Variants in GLIPR1L1 observed in about 807,000 individuals in gnomAD.
The protein encoded by GLIPR1L1 is GLIPR1 like 1, also known as GLIPR1-like protein 1.
In GLIPR1L1, 26 loss-of-function variants were observed where a neutral mutation model predicts 29.9. That is an observed-to-expected ratio of 0.87 (90% CI 0.64 to 1.21). The LOEUF (loss-of-function observed/expected upper bound fraction) is 1.21. Ranked by LOEUF, GLIPR1L1 falls within the 50% of genes most tolerant of loss-of-function variation. GLIPR1L1 has a pLI of 0.00. For missense variants in GLIPR1L1, 305 were observed against 290.3 expected, an observed-to-expected ratio of 1.05 and a Z score of -0.37; for synonymous variants, 77 against 97.5, an observed-to-expected ratio of 0.79 and a Z score of 1.24.
intron 2 of GLIPR1L1, among the ~76,000 whole-genome samples, chr12:75,344,756 T>G (rs1369395655): frequency 6.6e-6 from 1 of 152,270 alleles, no homozygotes; most frequent in East Asian, 1.9e-4. Context: ...GCTGTCTTTT[T>G]GGGTACAGCT....
At chr12:75,359,761 C>T (rs1480254162) in intron 3 of GLIPR1L1, 1 of 151,980 alleles carries the variant, frequency 6.6e-6, no homozygotes, top group East Asian at 1.9e-4. Context: ...ATAAATCATA[C>T]TGGAACAATT....
chr12:75,358,020 TAAC>T (rs1187433719), intron 3 of GLIPR1L1, among the ~76,000 whole-genome samples: 2 of 146,744 alleles, frequency 1.4e-5, no homozygotes, highest in South Asian at 2.1e-4. Flanking sequence ...ATAAATAAAA[TAAC>T]AAACAGAAAA....
At position 75,334,781 on chromosome 12, in the gene GLIPR1L1, T is replaced by C; in HGVS notation, c.53T>C (p.Val18Ala). 1 of 1,614,108 alleles carries C rather than the reference T, an allele frequency of 6.2e-7. No individual in the cohort carries two copies. The highest frequency in any genetic ancestry group is 2.2e-5 in the East Asian group (1 of 44,872). Residue 18 changes from valine (V) to alanine (A), a missense_variant, in exon 1 of 6, where the codon GTA (valine) becomes GCA (alanine). Transcript: ENST00000378695. The stretch of plus-strand genomic sequence containing the variant: ...TTATGGATCTTGGGTCTGTGTTTGG[T>C]AGCCACTACATCTTCCAAAATCCCA... ...SCLWILGLCL[V>A]ATTSSKIPSI...
At chr12:75,359,355 GTCTTTTTTTTTTTT>G (rs2043397790) in intron 3 of GLIPR1L1, among the ~76,000 whole-genome samples, 4 of 46,432 alleles carry the variant, frequency 8.6e-5, no homozygotes, top group Admixed American at 7.6e-4. Context: ...CAGCATTGTT[GTCTTTTTTTTTTTT>G]TTTTTTTTTT....
intron 4 of GLIPR1L1, among the ~76,000 whole-genome samples, chr12:75,368,049 T>G (rs1033270560): frequency 1.3e-5 from 2 of 152,108 alleles, no homozygotes; most frequent in African/African-American, 2.4e-5. Context: ...ATAATGCTAT[T>G]TCTTTCCTTT....
Position 75,347,630 on chromosome 12 carries a change from G to T in GLIPR1L1, c.429G>T (p.Trp143Cys). 2 of 1,603,794 alleles carry T rather than the reference G, an allele frequency of 1.2e-6. No individual in the cohort carries two copies. The highest frequency in any genetic ancestry group is 1.1e-5 in the South Asian group (1 of 90,248). ...ATTCCTTTTCTTTATAGTTAGTTTG[G>T]GCCAATTCATTTTATGTCGGTTGTG... ...RVCGHYTQLV[W>C]ANSFYVGCAV... The change falls in exon 3 of 6, where the codon TGG (tryptophan) becomes TGT (cysteine). Residue 143 changes from tryptophan (W) to cysteine (C), a missense_variant. Coordinates refer to ENST00000378695, the MANE Select transcript of GLIPR1L1 (RefSeq NM_001304964.2).
chr12:75,343,404 T>C (rs569298152), intron 1 of GLIPR1L1, among the ~76,000 whole-genome samples: 8 of 152,214 alleles, frequency 5.3e-5, no homozygotes, highest in African/African-American at 1.9e-4. Flanking sequence ...CTTTGAATTC[T>C]GGCTTATTTT....
At chr12:75,369,376 G>A in intron 4 of GLIPR1L1, 3 of 254,814 alleles carry the variant, frequency 1.2e-5, no homozygotes, top group Non-Finnish European at 1.8e-5. Context: ...CACAATAAAA[G>A]GGATTTTATT....
chr12:75,360,789 A>G (rs1335877359), intron 3 of GLIPR1L1: 6 of 152,204 alleles, frequency 3.9e-5, no homozygotes, highest in Non-Finnish European at 8.8e-5. Flanking sequence ...TTTTCTTTCC[A>G]CACTGCCCTA....
At chr12:75,357,166 G>A (rs765515085) in intron 3 of GLIPR1L1, among the ~76,000 whole-genome samples, 12 of 152,102 alleles carry the variant, frequency 7.9e-5, no homozygotes, top group Non-Finnish European at 1.8e-4. Flanking sequence ...CTCCAGCCTG[G>A]GAAACAGTGT....
intron 4 of GLIPR1L1, among the ~76,000 whole-genome samples, chr12:75,366,591 G>A (rs774389891): frequency 4.6e-5 from 7 of 151,750 alleles, no homozygotes; most frequent in Non-Finnish European, 8.8e-5. Flanking sequence ...AAACTAACAC[G>A]GCACCTCAAA....
chr12:75,335,175 A>G lies in GLIPR1L1; in HGVS notation c.174+273A>G, dbSNP rs938576905. Among the ~76,000 whole-genome samples, 12 of 152,292 alleles carry G rather than the reference A, an allele frequency of 7.9e-5. 1 individual carries two copies. The highest frequency in any genetic ancestry group is 7.2e-4 in the Admixed American group (11 of 15,292). ...GTTGCTTTGTTGCACCACTAAAGTT[A>G]TAAGTACTGAACACAGGATTATTTT... is the stretch of plus-strand genomic sequence containing the variant. On this transcript the variant is annotated intron_variant, in intron 1 of 5. Coordinates refer to ENST00000378695, the MANE Select transcript of GLIPR1L1 (RefSeq NM_001304964.2).
chr12:75,354,415 C>A (rs191154760), intron 3 of GLIPR1L1, among the ~76,000 whole-genome samples: 1 of 151,716 alleles, frequency 6.6e-6, no homozygotes, highest in Admixed American at 6.6e-5. Context: ...CCTAGGAATA[C>A]AGCTAAAAAA....
intron 3 of GLIPR1L1, among the ~76,000 whole-genome samples, chr12:75,358,925 C>T (rs1224733079): frequency 2.1e-5 from 3 of 143,838 alleles, no homozygotes; most frequent in South Asian, 2.1e-4. Flanking sequence ...GTACAGACTG[C>T]ATAAAACAGA....
At chr12:75,367,779 T>C (rs1383715719) in intron 4 of GLIPR1L1, among the ~76,000 whole-genome samples, 1 of 152,148 alleles carries the variant, frequency 6.6e-6, no homozygotes, top group South Asian at 2.1e-4. Context: ...TTCTAATCTT[T>C]ATATTATTTA....
chr12:75,341,669 A>G (rs2042122326), intron 1 of GLIPR1L1, among the ~76,000 whole-genome samples: 1 of 149,208 alleles, frequency 6.7e-6, no homozygotes, highest in Non-Finnish European at 1.5e-5. Context: ...GACGGTCACG[A>G]TCTCCTGATC....
chr12:75,369,432 C>T (rs190241351), intron 4 of GLIPR1L1: 41 of 696,636 alleles, frequency 5.9e-5, no homozygotes, highest in East Asian at 1.3e-4. Context: ...ATGCTGAATA[C>T]GTAGTAGAAG....
intron 4 of GLIPR1L1, among the ~76,000 whole-genome samples, chr12:75,367,211 C>T (rs376480383): frequency 6.9e-6 from 1 of 145,058 alleles, no homozygotes; most frequent in African/African-American, 2.6e-5. Flanking sequence ...TGGAGAAGAT[C>T]CTTTAGAATG....
At chr12:75,346,346 G>T (rs188304949) in intron 2 of GLIPR1L1, among the ~76,000 whole-genome samples, 1 of 151,972 alleles carries the variant, frequency 6.6e-6, no homozygotes, top group African/African-American at 2.4e-5. Flanking sequence ...CCTCAGAATT[G>T]ATCTGTCACT....
Sources: gnomAD v4.1 joint callset for allele counts (sites outside exome capture counted in the v4.1 genomes callset) on GRCh38, gnomAD v4.1.1 for gene constraint, MANE v1.5 for transcripts, NCBI Gene and HGNC (gene_info 2026-07-23, HGNC 2026-07-21) for gene names.